HDAC4: variants seen among roughly 807,000 people sequenced by gnomAD.
HDAC4 encodes the protein histone deacetylase 4.
HDAC4 carries 16 observed loss-of-function variants against 135.1 expected under a neutral mutation model. That is an observed-to-expected ratio of 0.12 (90% CI 0.08 to 0.18). HDAC4 has a LOEUF of 0.18. HDAC4 is among the 10% of genes least tolerant of loss of function. HDAC4 has a pLI of 1.00. For synonymous variants in HDAC4, 685 were observed against 653.4 expected (o/e 1.05, Z -0.74); for missense variants, 1,143 against 1,511.8 (o/e 0.76, Z 4.05).
chr2:239,150,433 CACAG>C (rs2042040136), intron 7 of HDAC4, among the ~76,000 whole-genome samples: 1 of 152,136 alleles, frequency 6.6e-6, no homozygotes, highest in Admixed American at 6.5e-5. Context: ...ACACCCCACA[CACAG>C]AAACACAGAC....
intron 2 of HDAC4, among the ~76,000 whole-genome samples, chr2:239,241,933 C>G (rs1034883982): frequency 1.2e-4 from 18 of 152,082 alleles, no homozygotes; most frequent in African/African-American, 4.1e-4. Context: ...TGTACAATAA[C>G]TCTTAATATT....
At chr2:239,239,679 C>G (rs2048067758) in intron 2 of HDAC4, among the ~76,000 whole-genome samples, 1 of 152,228 alleles carries the variant, frequency 6.6e-6, no homozygotes, top group Non-Finnish European at 1.5e-5. Context: ...TCGTTGTGTG[C>G]CACTGGGCCT....
chr2:239,383,451 G>A (rs994239964), intron 1 of HDAC4, among the ~76,000 whole-genome samples: 1 of 152,220 alleles, frequency 6.6e-6, no homozygotes, highest in Non-Finnish European at 1.5e-5. Flanking sequence ...GCAGGCAGGG[G>A]CAGGGGTGGC....
rs2038322619 is a variant in HDAC4, at chr2:239,108,103, T to C, written c.2059A>G (p.Ile687Val). The C allele has an allele frequency of 6.2e-7, 1 of 1,610,716 alleles. No individual in the cohort carries two copies. Among genetic ancestry groups the C allele is most frequent in the Non-Finnish European group, 8.5e-7 (1 of 1,179,794 alleles). The change falls in exon 15 of 27, where the codon ATC (isoleucine) becomes GTC (valine). Residue 687 changes from isoleucine (I) to valine (V), a missense_variant. Ile to Val is a conservative substitution (Grantham distance 29). Coordinates refer to ENST00000543185, the MANE Select transcript of HDAC4 (RefSeq NM_001378414.1). ...SSSHPEHAGR[I>V]QSIWSRLQET... is the part of the protein sequence containing the mutation. The stretch of plus-strand genomic sequence containing the variant: ...TGCAGGCGGGACCAGATGCTCTGGA[T>C]CCTCCCGGCGTGCTCGGGGTGGCTG...
intron 24 of HDAC4, among the ~76,000 whole-genome samples, chr2:239,058,101 G>C (rs1256901288): frequency 1.3e-5 from 2 of 152,226 alleles, no homozygotes; most frequent in African/African-American, 4.8e-5. Flanking sequence ...TGGGTGCTCT[G>C]TGTCTACTCT....
At chr2:239,273,654 T>G (rs762787607) in intron 2 of HDAC4, among the ~76,000 whole-genome samples, 1 of 152,146 alleles carries the variant, frequency 6.6e-6, no homozygotes. Flanking sequence ...AGGCTCCAGC[T>G]GCAACCGCCA....
At chr2:239,084,677 A>G (rs1574959715) in intron 19 of HDAC4, among the ~76,000 whole-genome samples, 1 of 142,024 alleles carries the variant, frequency 7.0e-6, no homozygotes, top group Non-Finnish European at 1.5e-5. Flanking sequence ...ACAGAGACAC[A>G]CCCTCCCACA....
chr2:239,190,991 C>T (rs1164935346), intron 3 of HDAC4: 4 of 465,476 alleles, frequency 8.6e-6, no homozygotes, highest in East Asian at 6.9e-5. Flanking sequence ...TGAGCCAGCA[C>T]TGCTCCTGGC....
chr2:239,246,038 C>T (rs759812504), intron 2 of HDAC4, among the ~76,000 whole-genome samples: 40 of 152,322 alleles, frequency 2.6e-4, no homozygotes, highest in Non-Finnish European at 2.8e-4. Context: ...CTGCCTGGTG[C>T]CAGCACCTGC....
chr2:239,075,612 C>T (rs745410755), intron 22 of HDAC4, among the ~76,000 whole-genome samples: 150 of 152,352 alleles, frequency 9.8e-4, no homozygotes, highest in Non-Finnish European at 1.7e-3. Context: ...GAGAGAGCGG[C>T]TTCTCCTCGC....
chr2:239,379,058 G>A (rs1695229329), intron 1 of HDAC4, among the ~76,000 whole-genome samples: 1 of 152,200 alleles, frequency 6.6e-6, no homozygotes, highest in Non-Finnish European at 1.5e-5. Context: ...AGTGCCCTAG[G>A]GAAGGAGACA....
At chr2:239,297,167 G>A (rs1048696990) in intron 2 of HDAC4, among the ~76,000 whole-genome samples, 1 of 152,162 alleles carries the variant, frequency 6.6e-6, no homozygotes, top group African/African-American at 2.4e-5. Flanking sequence ...AGCTCTGACA[G>A]AAGTGGAGAC....
At chr2:239,276,964 G>C (rs889623172) in intron 2 of HDAC4, among the ~76,000 whole-genome samples, 2 of 151,718 alleles carry the variant, frequency 1.3e-5, no homozygotes, top group South Asian at 2.1e-4. Context: ...AACACCATTC[G>C]AGAGTCAGCT....
In HDAC4 at chr2:239,094,746, A is replaced by T. The variant is rs2036843616; in HGVS notation, c.2280+264T>A. On this transcript the variant is annotated intron_variant, in intron 17 of 26. Transcript: ENST00000543185. ...GGATGAGATGCTGGCTGCATACAGG[A>T]TCCTGTTTCTTAAAGCGAGAGCCAC... is the stretch of plus-strand genomic sequence containing the variant. 4.5e-6 allele frequency: 6 copies of T among 1,328,818 alleles called. No homozygotes were observed. In the South Asian group the frequency reaches 7.6e-5, roughly 17 times the overall value. 82.3% of individuals were successfully genotyped at this position (1,328,818 alleles called of 1,614,324 possible).
At chr2:239,314,662 A>G (rs2053039918) in intron 2 of HDAC4, among the ~76,000 whole-genome samples, 1 of 152,254 alleles carries the variant, frequency 6.6e-6, no homozygotes, top group Admixed American at 6.5e-5. Flanking sequence ...TAATAGACAG[A>G]GCTGAAGAGA....
At chr2:239,203,367 C>T (rs951512356) in intron 3 of HDAC4, among the ~76,000 whole-genome samples, 2 of 152,170 alleles carry the variant, frequency 1.3e-5, no homozygotes, top group African/African-American at 4.8e-5. Context: ...GATAAAAATA[C>T]GTTTGACCGT....
intron 3 of HDAC4, among the ~76,000 whole-genome samples, chr2:239,192,765 G>A (rs926516776): frequency 6.6e-6 from 1 of 152,174 alleles, no homozygotes; most frequent in Non-Finnish European, 1.5e-5. Context: ...TCAGGTGAGC[G>A]GGCCCGTGCT....
At chr2:239,125,812 A>C (rs2040145130) in intron 12 of HDAC4, among the ~76,000 whole-genome samples, 1 of 152,240 alleles carries the variant, frequency 6.6e-6, no homozygotes, top group Non-Finnish European at 1.5e-5. Flanking sequence ...AGTGACTTTC[A>C]AGATGTCTGT....
chr2:239,292,173 A>G (rs1467296), intron 2 of HDAC4, among the ~76,000 whole-genome samples: 86,134 of 152,032 alleles, frequency 0.57, 25,050 homozygotes, highest in East Asian at 0.86. Flanking sequence ...TGGGGCCCCA[A>G]GTGTTCCGGT....
Sources: allele counts gnomAD v4.1 joint callset (sites outside exome capture counted in the v4.1 genomes callset), GRCh38; gene constraint gnomAD v4.1.1; transcripts MANE v1.5; gene names NCBI Gene and HGNC (gene_info 2026-07-23, HGNC 2026-07-21).